The following DLC1 variants were observed in gnomAD, a reference collection of about 807,000 sequenced individuals.
DLC1 encodes DLC1 Rho GTPase activating protein, also known as rho GTPase-activating protein 7.
In DLC1, 54 loss-of-function variants were observed where a neutral mutation model predicts 140.3. The observed-to-expected ratio is 0.38, with a 90% CI of 0.31 to 0.48. The LOEUF is 0.48. DLC1 is among the 20% of genes least tolerant of loss of function. DLC1 has a pLI of 0.96. For synonymous variants in DLC1, 986 were observed against 728.1 expected (o/e 1.35, Z -5.70); for missense variants, 2,536 against 1,907.0 (o/e 1.33, Z -6.14).
At chr8:13,563,605 G>T (rs1396773742) in intron 1 of DLC1, among the ~76,000 whole-genome samples, 1 of 151,982 alleles carries the variant, frequency 6.6e-6, no homozygotes, top group East Asian at 1.9e-4. Context: ...TGGTGTAAAG[G>T]GTAGAATATT....
intron 5 of DLC1, among the ~76,000 whole-genome samples, chr8:13,128,445 G>A (rs1304610278): frequency 6.6e-6 from 1 of 151,974 alleles, no homozygotes. Context: ...GCCTACCTAC[G>A]CACACAAGCC....
At chr8:13,395,221 T>G (rs950644332) in intron 3 of DLC1, among the ~76,000 whole-genome samples, 6 of 151,682 alleles carry the variant, frequency 4.0e-5, no homozygotes, top group African/African-American at 1.5e-4. Context: ...CCTGAGTTCA[T>G]GCAATTCTCC....
At chr8:13,215,361 G>T (rs1264415036) in intron 5 of DLC1, among the ~76,000 whole-genome samples, 2 of 152,184 alleles carry the variant, frequency 1.3e-5, no homozygotes, top group African/African-American at 4.8e-5. Flanking sequence ...CGAGGTGCGT[G>T]GATCACTTGT....
chr8:13,283,380 T>C (rs969757828), intron 5 of DLC1, among the ~76,000 whole-genome samples: 1 of 152,044 alleles, frequency 6.6e-6, no homozygotes, highest in Non-Finnish European at 1.5e-5. Flanking sequence ...TGTGAAGTAC[T>C]GTAATCTCTG....
At chr8:13,350,361 G>A (rs934444934) in intron 4 of DLC1, among the ~76,000 whole-genome samples, 2 of 150,246 alleles carry the variant, frequency 1.3e-5, no homozygotes, top group Non-Finnish European at 3.0e-5. Context: ...TTGTGTATTT[G>A]CTCTATCTCT....
chr8:13,334,228 G>C (rs1367210299), intron 4 of DLC1, among the ~76,000 whole-genome samples: 1 of 152,054 alleles, frequency 6.6e-6, no homozygotes, highest in Non-Finnish European at 1.5e-5. Context: ...AAGCAGGGGG[G>C]AGTTGCAGAT....
intron 4 of DLC1, among the ~76,000 whole-genome samples, chr8:13,348,871 G>C (rs1834498924): frequency 6.6e-6 from 1 of 152,182 alleles, no homozygotes; most frequent in Non-Finnish European, 1.5e-5. Context: ...CAACCTTCTT[G>C]AGGAGGGCAG....
At chr8:13,240,078 T>A (rs1829473859) in intron 5 of DLC1, among the ~76,000 whole-genome samples, 1 of 150,884 alleles carries the variant, frequency 6.6e-6, no homozygotes, top group Non-Finnish European at 1.5e-5. Context: ...TAGGGGGACT[T>A]TTTTTTTAAG....
chr8:13,542,229 T>C (rs980945237), intron 1 of DLC1, among the ~76,000 whole-genome samples: 1 of 152,218 alleles, frequency 6.6e-6, no homozygotes, highest in Non-Finnish European at 1.5e-5. Flanking sequence ...ATTTAGAGAC[T>C]GTCTGTGGTA....
chr8:13,283,915 G>A (rs1831453587), intron 5 of DLC1, among the ~76,000 whole-genome samples: 1 of 152,292 alleles, frequency 6.6e-6, no homozygotes, highest in African/African-American at 2.4e-5. Flanking sequence ...CAAAGAGTGA[G>A]ATCTGCAGAG....
At chr8:13,152,821 G>GTAGAAAAA (rs1554451763) in intron 5 of DLC1, among the ~76,000 whole-genome samples, 1 of 6,372 alleles carries the variant, frequency 1.6e-4, no homozygotes, top group African/African-American at 3.2e-4. Flanking sequence ...TGTCTCTGGG[G>GTAGAAAAA]AAGAAAAAAA....
intron 4 of DLC1, among the ~76,000 whole-genome samples, chr8:13,316,896 G>A (rs2116885628): frequency 6.6e-6 from 1 of 151,944 alleles, no homozygotes; most frequent in Non-Finnish European, 1.5e-5. Flanking sequence ...TTATGTTAAG[G>A]GTTTCTTGTA....
chr8:13,089,206 G>A (rs1193685645), intron 15 of DLC1, among the ~76,000 whole-genome samples: 1 of 151,694 alleles, frequency 6.6e-6, no homozygotes, highest in African/African-American at 2.4e-5. Context: ...GCAGTGAGCT[G>A]AGATCACACC....
At chr8:13,381,569 C>G (rs1720514999) in intron 4 of DLC1, among the ~76,000 whole-genome samples, 1 of 152,204 alleles carries the variant, frequency 6.6e-6, no homozygotes, top group Admixed American at 6.5e-5. Flanking sequence ...AGATTTTTCA[C>G]TCTGGAGGAA....
intron 1 of DLC1, among the ~76,000 whole-genome samples, chr8:13,578,962 C>CTTTTTTTTTTT (rs1563453485): frequency 1.3e-5 from 2 of 151,876 alleles, no homozygotes; most frequent in Non-Finnish European, 2.9e-5. Flanking sequence ...AAAGTTCCAA[C>CTTTTTTTTTTT]GTTTTATTAC....
chr8:13,416,742 T>C (rs1838080829), intron 2 of DLC1, among the ~76,000 whole-genome samples: 1 of 152,240 alleles, frequency 6.6e-6, no homozygotes, highest in South Asian at 2.1e-4. Context: ...ATTAGAACAA[T>C]TAATTACTTA....
chr8:13,136,727 G>T (rs1348494377), intron 5 of DLC1, among the ~76,000 whole-genome samples: 4 of 152,150 alleles, frequency 2.6e-5, no homozygotes, highest in Non-Finnish European at 5.9e-5. Flanking sequence ...TAGAGACAGG[G>T]TTTTGCCATG....
chr8:13,400,327 C>A (rs289580), intron 3 of DLC1, among the ~76,000 whole-genome samples: 54,188 of 151,868 alleles, frequency 0.36, 10,259 homozygotes, highest in East Asian at 0.77. Context: ...TGCCTCCCAA[C>A]GAGCCATTAG....
At chr8:13,267,270 T>C (rs73665928) in intron 5 of DLC1, among the ~76,000 whole-genome samples, 68 of 152,190 alleles carry the variant, frequency 4.5e-4, no homozygotes, top group African/African-American at 1.4e-3. Flanking sequence ...ATTTTAAATA[T>C]AGCATATTCT....
Sources: allele counts gnomAD v4.1 joint callset (sites outside exome capture counted in the v4.1 genomes callset), GRCh38; gene constraint gnomAD v4.1.1; transcripts MANE v1.5; gene names NCBI Gene and HGNC (gene_info 2026-07-23, HGNC 2026-07-21).